EDA: variants seen among roughly 807,000 people sequenced by gnomAD.
EDA encodes ectodysplasin A, also known as ectodysplasin-A.
In EDA, 2 loss-of-function variants were observed where a neutral mutation model predicts 23.6. That is an observed-to-expected ratio of 0.08 (90% CI 0.03 to 0.27). EDA has a LOEUF of 0.27. EDA is among the 10% of genes least tolerant of loss of function. EDA has a pLI of 1.00. For synonymous variants in EDA, 131 were observed against 132.0 expected, an observed-to-expected ratio of 0.99 and a Z score of 0.05; for missense variants, 229 against 324.2, an observed-to-expected ratio of 0.71 and a Z score of 2.26.
At chrX:69,914,522 G>T (rs5936794) in intron 1 of EDA, among the ~76,000 whole-genome samples, 22,694 of 109,722 alleles carry the variant, frequency 0.21, 1,760 homozygotes, top group African/African-American at 0.24. Flanking sequence ...CATATTTTGG[G>T]GGTCCATAGT....
At chrX:69,777,144 T>TTTGTTGTTGTTG (rs140366037) in intron 1 of EDA, among the ~76,000 whole-genome samples, 39 of 106,835 alleles carry the variant, frequency 3.7e-4, no homozygotes, top group African/African-American at 1.3e-3. Context: ...GATTCTGGGT[T>TTTGTTGTTGTTG]TTGTTGTTGT....
chrX:69,987,309 T>A (rs199997996), intron 2 of EDA, among the ~76,000 whole-genome samples: 215 of 90,714 alleles, frequency 2.4e-3, no homozygotes, highest in Middle Eastern at 5.1e-3. Context: ...AATTTTTTTT[T>A]TTAAAAATAA....
chrX:70,021,516 G>A (rs2020033380), intron 2 of EDA, among the ~76,000 whole-genome samples: 1 of 111,131 alleles, frequency 9.0e-6, no homozygotes, highest in African/African-American at 3.3e-5. Flanking sequence ...AGGTTGAGTC[G>A]CTGCCTCATA....
intron 1 of EDA, among the ~76,000 whole-genome samples, chrX:69,775,597 A>T (rs1173501151): frequency 8.9e-6 from 1 of 111,787 alleles, no homozygotes; most frequent in African/African-American, 3.2e-5. Flanking sequence ...ATTGTAAGTT[A>T]TTTGTACTGT....
chrX:69,832,553 G>C (rs946733061), intron 1 of EDA, among the ~76,000 whole-genome samples: 2 of 111,176 alleles, frequency 1.8e-5, no homozygotes, highest in Non-Finnish European at 3.8e-5. Flanking sequence ...ATTTAAAGTA[G>C]TTTTTTTTCC....
intron 1 of EDA, among the ~76,000 whole-genome samples, chrX:69,777,738 C>A (rs1164197346): frequency 1.8e-5 from 2 of 110,450 alleles, no homozygotes; most frequent in African/African-American, 6.6e-5. Context: ...AAATTGGCCC[C>A]CAAATTATTA....
At chrX:69,633,514 T>C (rs898770454) in intron 1 of EDA, among the ~76,000 whole-genome samples, 3 of 111,821 alleles carry the variant, frequency 2.7e-5, no homozygotes, top group Non-Finnish European at 3.8e-5. Flanking sequence ...CATTCCCCAA[T>C]TCCTCCTTTC....
chrX:69,975,017 G>A (rs574685266), intron 2 of EDA, among the ~76,000 whole-genome samples: 4 of 112,080 alleles, frequency 3.6e-5, no homozygotes, highest in African/African-American at 6.5e-5. Flanking sequence ...CTGTTGGTGG[G>A]AATGTAAACT....
At chrX:69,877,046 C>G (rs2017657452) in intron 1 of EDA, among the ~76,000 whole-genome samples, 1 of 112,480 alleles carries the variant, frequency 8.9e-6, no homozygotes, top group Admixed American at 9.4e-5. Context: ...CTAGACCCAG[C>G]AGGGTGGCTC....
At chrX:69,969,658 T>C (rs919240703) in intron 2 of EDA, among the ~76,000 whole-genome samples, 1 of 112,260 alleles carries the variant, frequency 8.9e-6, no homozygotes, top group African/African-American at 3.2e-5. Context: ...GCGGTACACA[T>C]ATTTTATCTC....
chrX:70,025,509 C>A (rs1430133460), intron 3 of EDA, among the ~76,000 whole-genome samples: 2 of 111,557 alleles, frequency 1.8e-5, no homozygotes, highest in Non-Finnish European at 3.8e-5. Context: ...ACAGAGAAAT[C>A]ATTGAGGCCA....
chrX:69,637,114 A>G (rs1246561920), intron 1 of EDA, among the ~76,000 whole-genome samples: 2 of 111,774 alleles, frequency 1.8e-5, no homozygotes, highest in African/African-American at 6.5e-5. Flanking sequence ...TAATAATCTC[A>G]CTAAGAAGAA....
chrX:69,937,942 T>C (rs1168598710), intron 1 of EDA: 7 of 1,199,639 alleles, frequency 5.8e-6, no homozygotes, highest in Non-Finnish European at 7.9e-6. Flanking sequence ...TGATGAATTT[T>C]CTTCATCTCT....
At chrX:69,973,196 G>A (rs1255870277) in intron 2 of EDA, among the ~76,000 whole-genome samples, 1 of 111,191 alleles carries the variant, frequency 9.0e-6, no homozygotes, top group African/African-American at 3.3e-5. Context: ...AATACCTCCA[G>A]TGTATACCCA....
intron 1 of EDA, among the ~76,000 whole-genome samples, chrX:69,638,709 A>G (rs905381573): frequency 8.9e-6 from 1 of 111,812 alleles, no homozygotes; most frequent in Admixed American, 9.5e-5. Flanking sequence ...TCATGTAGGT[A>G]AGATCGTAAG....
chrX:69,824,176 T>C (rs1348343593), intron 1 of EDA, among the ~76,000 whole-genome samples: 34 of 110,347 alleles, frequency 3.1e-4, no homozygotes, highest in Non-Finnish European at 5.9e-4. Context: ...GACTTGGCAA[T>C]GCAGGCTCTT....
At chrX:69,676,225 A>G (rs1237323577) in intron 1 of EDA, among the ~76,000 whole-genome samples, 1 of 111,407 alleles carries the variant, frequency 9.0e-6, no homozygotes, top group Non-Finnish European at 1.9e-5. Context: ...GATTTGACCT[A>G]TTTTATTGGT....
intron 3 of EDA, 46 bp from the exon 4 acceptor site, chrX:70,027,811 G>A (rs2020133177): frequency 5.1e-6 from 3 of 584,481 alleles, no homozygotes; most frequent in South Asian, 4.8e-5. Context: ...CAACAGAGCA[G>A]GACTCCGTCT....
intron 1 of EDA, among the ~76,000 whole-genome samples, chrX:69,715,634 GGTA>G (rs201602148): frequency 0.017 from 1,931 of 110,900 alleles, 46 homozygotes; most frequent in African/African-American, 0.06. Flanking sequence ...TGGGTCAAAT[GGTA>G]GTTCTTTGAG....
Sources: gnomAD v4.1 joint callset for allele counts (sites outside exome capture counted in the v4.1 genomes callset) on GRCh38, gnomAD v4.1.1 for gene constraint, MANE v1.5 for transcripts, NCBI Gene and HGNC (gene_info 2026-07-23, HGNC 2026-07-21) for gene names.